Variants in GARIN5A observed in about 807,000 individuals in gnomAD.
GARIN5A encodes Golgi-associated RAB2 interactor protein 5A.
chr19:50,475,491 T>G, the GARIN5A span: 3 of 1,572,454 alleles, frequency 1.9e-6, no homozygotes, highest in South Asian at 2.3e-5. Context: ...GCAGGATAGA[T>G]GTCGGGGCAG....
the GARIN5A span, among the ~76,000 whole-genome samples, chr19:50,471,569 C>A: frequency 3.3e-5 from 5 of 152,112 alleles, no homozygotes; most frequent in Non-Finnish European, 7.4e-5. Context: ...CACACCCAGC[C>A]TCTACTGCTG....
the GARIN5A span, chr19:50,467,887 T>G: frequency 1.3e-6 from 2 of 1,552,320 alleles, no homozygotes; most frequent in Non-Finnish European, 1.8e-6. Context: ...TCCAGCACCG[T>G]CGGGGTCAGG....
the GARIN5A span, among the ~76,000 whole-genome samples, chr19:50,468,311 G>A: frequency 8.6e-4 from 124 of 144,718 alleles, no homozygotes; most frequent in Middle Eastern, 3.7e-3. Flanking sequence ...GCAGTGAGCC[G>A]AGATCACGCC....
chr19:50,471,663 T>TGTGTATACGCATACATGCACGTGC, the GARIN5A span, among the ~76,000 whole-genome samples: 136 of 118,152 alleles, frequency 1.2e-3, 1 homozygote, highest in Non-Finnish European at 2.1e-3. Flanking sequence ...CATGCACGTG[T>TGTGTATACGCATACATGCACGTGC]GTGTATACGC....
chr19:50,474,322 G>A, the GARIN5A span, among the ~76,000 whole-genome samples: 1 of 150,728 alleles, frequency 6.6e-6, no homozygotes, highest in African/African-American at 2.4e-5. Flanking sequence ...TGGGATTACC[G>A]GCGCCCGCCA....
At chr19:50,469,101 C>T in the GARIN5A span, among the ~76,000 whole-genome samples, 1 of 152,150 alleles carries the variant, frequency 6.6e-6, no homozygotes, top group Non-Finnish European at 1.5e-5. Context: ...GGAATAAACA[C>T]AAAGCCCTCA....
At chr19:50,469,805 G>T in the GARIN5A span, among the ~76,000 whole-genome samples, 6 of 152,238 alleles carry the variant, frequency 3.9e-5, no homozygotes, top group South Asian at 1.2e-3. Flanking sequence ...TCACACCTGT[G>T]CACAGACACA....
chr19:50,475,721 G>A, the GARIN5A span: 348 of 798,270 alleles, frequency 4.4e-4, 3 homozygotes, highest in South Asian at 4.7e-3. Context: ...TAGGAGTTGG[G>A]AGTCGGGAAT....
chr19:50,471,941 A>G, the GARIN5A span, among the ~76,000 whole-genome samples: 9 of 134,980 alleles, frequency 6.7e-5, no homozygotes, highest in Admixed American at 6.4e-4. Flanking sequence ...TATGTGTGTA[A>G]GTATATATAC....
chr19:50,471,797 T>G, the GARIN5A span, among the ~76,000 whole-genome samples: 1 of 148,658 alleles, frequency 6.7e-6, no homozygotes, highest in Admixed American at 6.6e-5. Flanking sequence ...CATACATGCA[T>G]GTGTATACGC....
the GARIN5A span, among the ~76,000 whole-genome samples, chr19:50,471,544 A>G: frequency 2.0e-5 from 3 of 152,174 alleles, no homozygotes; most frequent in African/African-American, 7.2e-5. Context: ...TGCTGGGATT[A>G]CAGGTGTGAG....
chr19:50,469,108 C>T, the GARIN5A span, among the ~76,000 whole-genome samples: 5 of 152,168 alleles, frequency 3.3e-5, no homozygotes, highest in African/African-American at 2.4e-5. Context: ...ACACAAAGCC[C>T]TCACCGTGGC....
the GARIN5A span, among the ~76,000 whole-genome samples, chr19:50,472,243 T>TATGTATATATACATGTATGTGTGTATATG: frequency 1.5e-5 from 2 of 133,948 alleles, no homozygotes; most frequent in East Asian, 2.2e-4. Flanking sequence ...TATGTGTGTA[T>TATGTATATATACATGTATGTGTGTATATG]TATATATACA....
chr19:50,474,293 C>T, the GARIN5A span, among the ~76,000 whole-genome samples: 1 of 151,584 alleles, frequency 6.6e-6, no homozygotes, highest in Non-Finnish European at 1.5e-5. Context: ...AATTCTCCTG[C>T]CTCAGCCTCC....
At chr19:50,475,495 G>A in the GARIN5A span, 99 of 1,560,726 alleles carry the variant, frequency 6.3e-5, no homozygotes, top group Non-Finnish European at 6.5e-5. Flanking sequence ...GATAGATGTC[G>A]GGGCAGAACT....
At chr19:50,472,209 C>CATGT in the GARIN5A span, among the ~76,000 whole-genome samples, 5 of 117,258 alleles carry the variant, frequency 4.3e-5, no homozygotes, top group South Asian at 8.1e-4. Context: ...CATGTATATA[C>CATGT]ATGTGTGTAT....
chr19:50,471,652 A>ACATGCACGTGTGTGTATACGCATG, the GARIN5A span, among the ~76,000 whole-genome samples: 33 of 120,276 alleles, frequency 2.7e-4, 1 homozygote, highest in Non-Finnish European at 4.9e-4. Flanking sequence ...ATATACGCAT[A>ACATGCACGTGTGTGTATACGCATG]CATGCACGTG....
chr19:50,475,363 G>C, the GARIN5A span: 1 of 1,607,052 alleles, frequency 6.2e-7, no homozygotes, highest in South Asian at 1.1e-5. Context: ...TGGCAGGGCC[G>C]GCCAGAAGCA....
chr19:50,475,160 G>C, the GARIN5A span: 1 of 1,077,112 alleles, frequency 9.3e-7, no homozygotes, highest in African/African-American at 1.6e-5. Flanking sequence ...GCCCCTGAGG[G>C]CTGCTCTGTC....
Sources: allele counts gnomAD v4.1 joint callset (sites outside exome capture counted in the v4.1 genomes callset), GRCh38; gene constraint gnomAD v4.1.1; transcripts MANE v1.5; gene names NCBI Gene and HGNC (gene_info 2026-07-23, HGNC 2026-07-21).